The following CNTN5 variants were observed in gnomAD, a reference collection of about 807,000 sequenced individuals.
The protein encoded by CNTN5 is contactin 5.
In CNTN5, 77 loss-of-function variants were observed where a neutral mutation model predicts 129.1. That is an observed-to-expected ratio of 0.60 (90% confidence interval 0.50 to 0.72). The LOEUF (loss-of-function observed/expected upper bound fraction) is 0.72, where lower values mean the gene tolerates loss of function less well. Among genes scored for constraint, CNTN5 ranks in the 30% least tolerant of loss-of-function variants. The probability of loss-of-function intolerance (pLI) is 0.00; values close to 1 mark genes in which losing one functional copy is unlikely to be tolerated. For missense variants in CNTN5, 1,478 were observed against 1,328.8 expected, an observed-to-expected ratio of 1.11 and a Z score of -1.75; for synonymous variants, 509 against 465.6, an observed-to-expected ratio of 1.09 and a Z score of -1.20.
At chr11:99,451,376 A>C (rs1245516361) in intron 2 of CNTN5, among the ~76,000 whole-genome samples, 3 of 152,184 alleles carry the variant, frequency 2.0e-5, no homozygotes, top group African/African-American at 7.2e-5. Context: ...GGAGGGGCAA[A>C]AAAATATACA....
chr11:99,317,914 A>G (rs951485630), intron 1 of CNTN5, among the ~76,000 whole-genome samples: 32 of 152,152 alleles, frequency 2.1e-4, no homozygotes, highest in African/African-American at 7.7e-4. Context: ...TTTTAATTTT[A>G]TAACAACTGG....
intron 9 of CNTN5, among the ~76,000 whole-genome samples, chr11:100,024,297 A>G (rs575367992): frequency 2.6e-5 from 4 of 152,086 alleles, no homozygotes; most frequent in African/African-American, 9.6e-5. Context: ...ACCTTCCCCC[A>G]TGATTGTAAG....
At chr11:99,049,854 A>AT (rs1864357540) in intron 1 of CNTN5, 1 of 152,164 alleles carries the variant, frequency 6.6e-6, no homozygotes, top group Non-Finnish European at 1.5e-5. Flanking sequence ...AATATTTTAT[A>AT]TTTTTATTTT....
In CNTN5 at chr11:99,341,134, C is replaced by T. The variant is rs376226872; in HGVS notation, c.-71+15650C>T. Reference sequence around the variant, plus strand: ...CAAGAGATGAAACAAGAATTCAATACCATCTTGTAACTGGAAGAGAGGCTT... The same window carrying T: ...CAAGAGATGAAACAAGAATTCAATATCATCTTGTAACTGGAAGAGAGGCTT... On this transcript the variant is annotated intron_variant, in intron 2 of 24. Coordinates refer to ENST00000524871, the MANE Select transcript of CNTN5 (RefSeq NM_014361.4). 3.3e-5 allele frequency among the ~76,000 whole-genome samples: 5 copies of T among 152,036 alleles called. No homozygotes were observed. The East Asian group carries it at 9.7e-4, about 29-fold the overall frequency.
chr11:99,822,278 C>A (rs1946825495), intron 4 of CNTN5, among the ~76,000 whole-genome samples: 1 of 152,138 alleles, frequency 6.6e-6, no homozygotes, highest in South Asian at 2.1e-4. Context: ...TTGGAGAAAC[C>A]TTCCCATACA....
chr11:99,454,067 G>A (rs1348804123), intron 2 of CNTN5, among the ~76,000 whole-genome samples: 3 of 152,100 alleles, frequency 2.0e-5, no homozygotes, highest in African/African-American at 7.2e-5. Flanking sequence ...AAATTGCTAA[G>A]ATTAATAGAT....
chr11:99,986,701 G>A (rs148583550), intron 8 of CNTN5, among the ~76,000 whole-genome samples: 23 of 152,040 alleles, frequency 1.5e-4, no homozygotes, highest in East Asian at 3.9e-4. Context: ...GCAAGACTTC[G>A]TCCAAGAGTT....
rs1395518395 is a variant in CNTN5 at position 99,963,680 on chromosome 11, T to G, written c.877+6671T>G. Among the ~76,000 whole-genome samples the G allele has an allele frequency of 6.6e-5, 10 of 152,274 alleles. 1 individual carries two copies. Among genetic ancestry groups the G allele is most frequent in the African/African-American group, 2.4e-4 (10 of 41,546 alleles). On this transcript the variant is annotated intron_variant, in intron 8 of 24. Coordinates refer to ENST00000524871, the MANE Select transcript of CNTN5 (RefSeq NM_014361.4). The stretch of plus-strand genomic sequence containing the variant: ...CCATATGAACTTTAAAGTAGTTTTT[T>G]CCAATTCTGTGAAGAAAGTAATTAG...
At chr11:99,359,054 T>C (rs1591570107) in intron 2 of CNTN5, among the ~76,000 whole-genome samples, 1 of 152,352 alleles carries the variant, frequency 6.6e-6, no homozygotes, top group East Asian at 1.9e-4. Context: ...CATCACACAA[T>C]TCTTCAATTA....
In CNTN5 at chr11:100,217,197, C is replaced by T. The variant is rs181164177; in HGVS notation, c.1885-7495C>T. On this transcript the variant is annotated intron_variant, in intron 15 of 24. Coordinates refer to ENST00000524871, the MANE Select transcript of CNTN5 (RefSeq NM_014361.4). ...CTCAAAGCCATAATTTATCTTTTCTCTTTATCTTGTAGCATGTGTAGATCA... is the reference window on the plus strand; with the variant it reads ...CTCAAAGCCATAATTTATCTTTTCTTTTTATCTTGTAGCATGTGTAGATCA... Among the ~76,000 whole-genome samples the T allele has an allele frequency of 1.6e-4, 25 of 152,240 alleles. 1 individual carries two copies. The highest frequency in any genetic ancestry group is 7.2e-4 in the Admixed American group (11 of 15,292).
chr11:100,324,469 A>C (rs1231232229), intron 21 of CNTN5, among the ~76,000 whole-genome samples: 2 of 152,140 alleles, frequency 1.3e-5, no homozygotes, highest in Non-Finnish European at 2.9e-5. Context: ...TAATAATCAA[A>C]AGGACTTGCG....
chr11:99,381,256 G>C (rs1037294832), intron 2 of CNTN5, among the ~76,000 whole-genome samples: 2 of 152,182 alleles, frequency 1.3e-5, no homozygotes, highest in African/African-American at 4.8e-5. Context: ...TTAGGTGAGG[G>C]AATGGGGGGA....
chr11:99,144,929 G>A (rs752591326), intron 1 of CNTN5, among the ~76,000 whole-genome samples: 2 of 151,444 alleles, frequency 1.3e-5, no homozygotes, highest in Non-Finnish European at 2.9e-5. Context: ...TTGGATTTTG[G>A]CACTGGAGAC....
intron 2 of CNTN5, among the ~76,000 whole-genome samples, chr11:99,542,643 A>G (rs751212224): frequency 4.6e-5 from 7 of 152,198 alleles, no homozygotes; most frequent in Non-Finnish European, 7.3e-5. Context: ...AAATCTCCAA[A>G]TATTGCTAAA....
chr11:99,313,440 CT>C lies in CNTN5; in HGVS notation c.-209-11899del, dbSNP rs1288883073. 1.1e-4 allele frequency among the ~76,000 whole-genome samples: 17 copies of C among 151,984 alleles called. No individual in the cohort carries two copies. In the East Asian group the frequency reaches 3.1e-3, roughly 28 times the overall value. On this transcript the variant is annotated intron_variant, in intron 1 of 24. Transcript: ENST00000524871. Reference sequence around the variant, plus strand: ...CCACTAACTTATTCTAGACTTAAGACTTTTTTTACAGACAGCTGAAAATTTG... The same window carrying C: ...CCACTAACTTATTCTAGACTTAAGACTTTTTTACAGACAGCTGAAAATTTG...
chr11:99,445,999 G>A (rs1468522375), intron 2 of CNTN5, among the ~76,000 whole-genome samples: 2 of 150,928 alleles, frequency 1.3e-5, no homozygotes, highest in African/African-American at 4.9e-5. Context: ...CAGGAGAATC[G>A]CTTGAACCTA....
At chr11:99,601,724 G>A (rs1418410239) in intron 3 of CNTN5, among the ~76,000 whole-genome samples, 1 of 152,040 alleles carries the variant, frequency 6.6e-6, no homozygotes, top group Non-Finnish European at 1.5e-5. Context: ...CCTCATCTCT[G>A]TTCTCCAACG....
chr11:99,955,027 TAATG>T (rs1950765019), intron 7 of CNTN5, among the ~76,000 whole-genome samples: 1 of 152,092 alleles, frequency 6.6e-6, no homozygotes, highest in Admixed American at 6.5e-5. Context: ...TTTTTAAATT[TAATG>T]AATGATGTCC....
rs182009131 is a variant in CNTN5 at position 99,378,638 on chromosome 11, A to G, written c.-71+53154A>G. 5.1e-3 allele frequency among the ~76,000 whole-genome samples: 775 copies of G among 152,178 alleles called. 3 individuals are homozygous for G. The highest frequency in any genetic ancestry group is 8.0e-3 in the Non-Finnish European group (543 of 67,948). ...CACCCTATCCAAGAGCCCTTTCTTG[A>G]TTTTCTTATACTAATCAGCACCTCT... On this transcript the variant is annotated intron_variant, in intron 2 of 24. Transcript: ENST00000524871.
Sources: allele counts gnomAD v4.1 joint callset (sites outside exome capture counted in the v4.1 genomes callset), GRCh38; gene constraint gnomAD v4.1.1; transcripts MANE v1.5; gene names NCBI Gene and HGNC (gene_info 2026-07-23, HGNC 2026-07-21).